SYT17: variants seen among roughly 807,000 people sequenced by gnomAD.
SYT17 encodes synaptotagmin-17.
A neutral mutation model predicts 46.7 loss-of-function variants in SYT17; 22 were observed. That is an observed-to-expected ratio of 0.47 (90% CI 0.34 to 0.67). SYT17 has a LOEUF of 0.67. SYT17 is among the 30% of genes least tolerant of loss of function. The probability of loss-of-function intolerance (pLI) is 0.01; values close to 1 mark genes in which losing one functional copy is unlikely to be tolerated. For synonymous variants in SYT17, 251 were observed against 248.4 expected (o/e 1.01, Z -0.10); for missense variants, 519 against 612.8 (o/e 0.85, Z 1.62).
intron 5 of SYT17, among the ~76,000 whole-genome samples, chr16:19,188,974 C>T (rs1033282688): frequency 6.6e-6 from 1 of 151,866 alleles, no homozygotes; most frequent in African/African-American, 2.4e-5. Flanking sequence ...GCAAGCTCCG[C>T]CTCCCGGGTT....
rs537185033 is a variant in SYT17, at chr16:19,245,856, T to A, written c.1228+21018T>A. 6.0e-4 allele frequency among the ~76,000 whole-genome samples: 92 copies of A among 152,210 alleles called. 1 individual carries two copies. Among genetic ancestry groups the A allele is most frequent in the African/African-American group, 2.2e-3 (90 of 41,540 alleles). On this transcript the variant is annotated intron_variant, in intron 7 of 7. Coordinates refer to ENST00000355377, the MANE Select transcript of SYT17 (RefSeq NM_016524.4). ...AATGCGGTGACGTGAAGGGGTTACA[T>A]GGGAAAGGGCAGTACTGATGGCTTT... is the stretch of plus-strand genomic sequence containing the variant.
intron 5 of SYT17, among the ~76,000 whole-genome samples, chr16:19,185,563 A>G (rs533927610): frequency 3.9e-5 from 6 of 152,116 alleles, no homozygotes; most frequent in Non-Finnish European, 4.4e-5. Context: ...CACTCACTCC[A>G]GCTCACTCCA....
intron 7 of SYT17, among the ~76,000 whole-genome samples, chr16:19,248,651 T>C (rs546431718): frequency 6.6e-6 from 1 of 152,142 alleles, no homozygotes; most frequent in African/African-American, 2.4e-5. Context: ...CGAAACCCCA[T>C]CTCTACTAAA....
chr16:19,195,531 C>A (rs1231090149), intron 5 of SYT17, among the ~76,000 whole-genome samples: 1 of 151,736 alleles, frequency 6.6e-6, no homozygotes, highest in African/African-American at 2.4e-5. Flanking sequence ...GCCTGGCCAA[C>A]ATGGTGAAAC....
rs1963980037 is a variant in SYT17 at position 19,169,054 on chromosome 16, G to C, written c.15+393G>C. 2.0e-5 allele frequency among the ~76,000 whole-genome samples: 3 copies of C among 152,102 alleles called. No homozygotes were observed. In the South Asian group the frequency reaches 6.2e-4, roughly 32 times the overall value. On this transcript the variant is annotated intron_variant, in intron 1 of 7. Coordinates refer to ENST00000355377, the MANE Select transcript of SYT17 (RefSeq NM_016524.4). ...CGCCAGCTGCCGTTGCCGTGGTGAC[G>C]GCTCCGGCTAATTGGCCGGCGGAGC...
chr16:19,246,357 G>C (rs1435885169), intron 7 of SYT17, among the ~76,000 whole-genome samples: 1 of 151,680 alleles, frequency 6.6e-6, no homozygotes, highest in Non-Finnish European at 1.5e-5. Flanking sequence ...TATTAATAAT[G>C]AATATTAATA....
chr16:19,174,218 A>G (rs1596884725), intron 3 of SYT17, among the ~76,000 whole-genome samples: 2 of 152,232 alleles, frequency 1.3e-5, no homozygotes, highest in South Asian at 2.1e-4. Flanking sequence ...TGCATACAAC[A>G]TCTCCATCTG....
chr16:19,222,201 C>T (rs749163678), intron 5 of SYT17, among the ~76,000 whole-genome samples: 11 of 152,126 alleles, frequency 7.2e-5, no homozygotes, highest in Non-Finnish European at 1.6e-4. Context: ...TACCATTTGG[C>T]AAAATGTCGA....
intron 5 of SYT17, among the ~76,000 whole-genome samples, chr16:19,222,321 A>C (rs1966349946): frequency 6.6e-6 from 1 of 151,694 alleles, no homozygotes; most frequent in Non-Finnish European, 1.5e-5. Flanking sequence ...GGGGACAGAG[A>C]AGTGGGAGGC....
At chr16:19,175,387 C>A (rs1243806442) in intron 3 of SYT17, among the ~76,000 whole-genome samples, 6 of 151,856 alleles carry the variant, frequency 4.0e-5, no homozygotes, top group Middle Eastern at 3.4e-3. Context: ...GGTGCCGTGG[C>A]TCTCATCTGT....
At chr16:19,194,191 T>C (rs571741780) in intron 5 of SYT17, among the ~76,000 whole-genome samples, 1 of 152,232 alleles carries the variant, frequency 6.6e-6, no homozygotes, top group African/African-American at 2.4e-5. Flanking sequence ...CTTATAGAGG[T>C]GCCCAATCTT....
intron 5 of SYT17, among the ~76,000 whole-genome samples, chr16:19,215,914 G>T (rs1966078900): frequency 6.6e-6 from 1 of 152,136 alleles, no homozygotes; most frequent in Non-Finnish European, 1.5e-5. Context: ...ATGGCAGCAG[G>T]CAAACAGAGA....
chr16:19,253,872 C>T (rs12448509), intron 7 of SYT17, among the ~76,000 whole-genome samples: 17,613 of 151,954 alleles, frequency 0.12, 2,202 homozygotes, highest in East Asian at 0.35. Flanking sequence ...GGATTACAGG[C>T]GCCTGCCACC....
Position 19,250,359 on chromosome 16 carries a change from T to TTGTGTGTGTGTGTGTGTG in SYT17, c.1229-16493_1229-16476dup, listed in dbSNP as rs55818940. ...TTTCAAAAAGATGTCTCAAACATGT[T>TTGTGTGTGTGTGTGTGTG]TGTGTGTGTGTGTGTGTGTGTGTGT... On this transcript the variant is annotated intron_variant, in intron 7 of 7. Transcript: ENST00000355377. 1.4e-3 allele frequency among the ~76,000 whole-genome samples: 188 copies of TTGTGTGTGTGTGTGTGTG among 132,568 alleles called. 4 individuals carry two copies. The highest frequency in any genetic ancestry group is 5.2e-3 in the South Asian group (19 of 3,624). 87.0% of individuals were successfully genotyped at this position (132,568 alleles called of 152,430 possible).
chr16:19,236,688 A>C (rs1318591438), intron 7 of SYT17, among the ~76,000 whole-genome samples: 2 of 152,192 alleles, frequency 1.3e-5, no homozygotes, highest in Admixed American at 6.5e-5. Flanking sequence ...GGAGGGGTCA[A>C]ACTCTGAGAC....
chr16:19,244,245 A>C (rs534251613), intron 7 of SYT17, among the ~76,000 whole-genome samples: 1 of 152,228 alleles, frequency 6.6e-6, no homozygotes, highest in Non-Finnish European at 1.5e-5. Flanking sequence ...GCTAGAAGTC[A>C]CTGTATCAGT....
At chr16:19,218,229 A>G (rs1966169290) in intron 5 of SYT17, among the ~76,000 whole-genome samples, 1 of 152,230 alleles carries the variant, frequency 6.6e-6, no homozygotes, top group South Asian at 2.1e-4. Context: ...GCTTGGACCT[A>G]GTACCTGTTA....
intron 7 of SYT17, among the ~76,000 whole-genome samples, chr16:19,229,978 A>G (rs1378076011): frequency 1.3e-5 from 2 of 152,246 alleles, no homozygotes; most frequent in East Asian, 3.8e-4. Context: ...ATGCCGTATC[A>G]TTTCATTTAT....
At position 19,253,239 on chromosome 16, in the gene SYT17, A is replaced by G. The variant is rs1353678208; in HGVS notation, c.1229-13641A>G. Among the ~76,000 whole-genome samples, 11 of 152,152 alleles carry G rather than the reference A, an allele frequency of 7.2e-5. No homozygotes were observed. In the East Asian group the frequency reaches 1.5e-3, roughly 21 times the overall value. ...ATAGGTGGCCCTCAAAGCCTAAAAT[A>G]TTTACTCTCTGGCCCTTTATAGAAA... On this transcript the variant is annotated intron_variant, in intron 7 of 7. Transcript: ENST00000355377.
Sources: gnomAD v4.1 joint callset for allele counts (sites outside exome capture counted in the v4.1 genomes callset) on GRCh38, gnomAD v4.1.1 for gene constraint, MANE v1.5 for transcripts, NCBI Gene and HGNC (gene_info 2026-07-23, HGNC 2026-07-21) for gene names.